Variants in STAM2 observed in about 807,000 individuals in gnomAD.
STAM2 encodes the protein signal transducing adaptor molecule 2, also known as signal transducing adapter molecule 2.
Under a neutral mutation model 65.6 loss-of-function variants are expected in STAM2, and 51 were observed. The ratio of observed to expected loss-of-function variants is 0.78; its 90% CI spans 0.62 to 0.98. The LOEUF is 0.98. STAM2 is among the 50% of genes least tolerant of loss of function. The pLI is 0.00. For synonymous variants in STAM2, 198 were observed against 208.4 expected (o/e 0.95, Z 0.43); for missense variants, 584 against 617.8 (o/e 0.95, Z 0.58).
chr2:152,152,184 G>A (rs963556499), intron 1 of STAM2, among the ~76,000 whole-genome samples: 1 of 152,096 alleles, frequency 6.6e-6, no homozygotes, highest in Non-Finnish European at 1.5e-5. Flanking sequence ...CAAATGATCT[G>A]CCCACCTCGG....
At chr2:152,168,776 T>C (rs148519183) in intron 1 of STAM2, among the ~76,000 whole-genome samples, 107 of 152,326 alleles carry the variant, frequency 7.0e-4, no homozygotes, top group African/African-American at 2.5e-3. Flanking sequence ...TATAATCCAT[T>C]TGAAATGCCC....
At chr2:152,164,610 G>C (rs1292391560) in intron 1 of STAM2, among the ~76,000 whole-genome samples, 2 of 152,140 alleles carry the variant, frequency 1.3e-5, no homozygotes, top group Non-Finnish European at 2.9e-5. Context: ...CCAAACTGCT[G>C]GGATTAAAAG....
intron 1 of STAM2, among the ~76,000 whole-genome samples, chr2:152,152,872 A>G (rs934585678): frequency 3.9e-5 from 6 of 152,244 alleles, no homozygotes; most frequent in Non-Finnish European, 2.9e-5. Flanking sequence ...CAGGAGAATG[A>G]TAAACATCAA....
intron 1 of STAM2, among the ~76,000 whole-genome samples, chr2:152,156,345 A>C (rs1277864699): frequency 1.3e-5 from 2 of 152,224 alleles, no homozygotes; most frequent in African/African-American, 4.8e-5. Flanking sequence ...AAGGGAGCTA[A>C]ATAACATTTA....
intron 1 of STAM2, among the ~76,000 whole-genome samples, chr2:152,156,921 C>G (rs951960678): frequency 2.0e-5 from 3 of 152,050 alleles, no homozygotes; most frequent in African/African-American, 7.2e-5. Flanking sequence ...GACTTGCGAT[C>G]CTACCAAAAA....
chr2:152,157,166 T>C (rs951997147), intron 1 of STAM2, among the ~76,000 whole-genome samples: 12 of 151,912 alleles, frequency 7.9e-5, no homozygotes, highest in Non-Finnish European at 1.2e-4. Flanking sequence ...GGCGACCAGG[T>C]TTCTAAGCAC....
Position 152,148,119 on chromosome 2 carries a change from G to T in STAM2, c.205C>A (p.Leu69Ile), listed in dbSNP as rs148272022. The T allele has an allele frequency of 5.7e-5, 92 of 1,604,420 alleles. No individual in the cohort carries two copies. The African/African-American group carries it at 1.1e-3, about 19-fold the overall frequency. Reference protein sequence around the residue: ...PHVALQALTLLGACVANCGKI... With the variant: ...PHVALQALTLIGACVANCGKI... ...CCACAGTTTGCCACACAAGCCCCAAGAAGCTATTAATTGAAATAAAAATAT... is the reference window on the plus strand; with the variant it reads ...CCACAGTTTGCCACACAAGCCCCAATAAGCTATTAATTGAAATAAAAATAT... The change falls in exon 4 of 14, where the codon CTT becomes ATT. Residue 69 changes from leucine to isoleucine, a missense_variant. By Grantham distance (5) the Leu-to-Ile change is conservative. Coordinates refer to ENST00000263904, the MANE Select transcript of STAM2 (RefSeq NM_005843.6).
At chr2:152,151,431 C>G (rs1432613833) in intron 1 of STAM2, among the ~76,000 whole-genome samples, 3 of 152,134 alleles carry the variant, frequency 2.0e-5, no homozygotes, top group Non-Finnish European at 4.4e-5. Context: ...CCGCCCACCT[C>G]AGCCTCCCAA....
chr2:152,173,718 G>A (rs1034282259), intron 1 of STAM2, among the ~76,000 whole-genome samples: 5 of 152,090 alleles, frequency 3.3e-5, no homozygotes, highest in Admixed American at 6.5e-5. Context: ...TTAACGATTT[G>A]AAATGAAAAG....
intron 8 of STAM2, among the ~76,000 whole-genome samples, 198 bp downstream of exon 8, chr2:152,135,311 G>A (rs1689134751): frequency 6.6e-6 from 1 of 152,170 alleles, no homozygotes; most frequent in Non-Finnish European, 1.5e-5. Flanking sequence ...TGTAAAATAA[G>A]AGGAAATAAT....
rs1407123902 is a variant in STAM2, at chr2:152,121,107, T to A, written c.1350-305A>T. Among the ~76,000 whole-genome samples the A allele has an allele frequency of 6.6e-5, 10 of 151,858 alleles. No homozygotes were observed. In the South Asian group the frequency reaches 1.2e-3, roughly 19 times the overall value. On this transcript the variant is annotated intron_variant, in intron 13 of 13. Transcript: ENST00000263904. ...AGCCTCCTGAGTAGCTGGGACTATT[T>A]AAAAAAAATTTAAATTAGTCCCAAC...
At chr2:152,128,174 G>A (rs370604482) in intron 11 of STAM2, among the ~76,000 whole-genome samples, 2 of 152,266 alleles carry the variant, frequency 1.3e-5, no homozygotes, top group East Asian at 1.9e-4. Flanking sequence ...TTGGGAGGCC[G>A]AGGCAGGCAG....
chr2:152,169,536 G>C (rs1689860838), intron 1 of STAM2, among the ~76,000 whole-genome samples: 1 of 152,064 alleles, frequency 6.6e-6, no homozygotes, highest in Non-Finnish European at 1.5e-5. Flanking sequence ...TGTTTGGATT[G>C]CAGGTGTGAG....
At chr2:152,127,628 C>G (rs1419308060) in intron 11 of STAM2, among the ~76,000 whole-genome samples, 2 of 150,560 alleles carry the variant, frequency 1.3e-5, no homozygotes, top group Admixed American at 6.6e-5. Context: ...AAATAATTAT[C>G]CTTGAAAATC....
In STAM2 at chr2:152,147,143, G is replaced by C. The variant is rs748519911; in HGVS notation, c.447+19C>G. ...CAAAATATTATAGGGTCAACCATGG[G>C]TCTGAATAAATCTCTCACCTGAGAA... On this transcript the variant is annotated intron_variant, in intron 5 of 13. Coordinates refer to ENST00000263904, the MANE Select transcript of STAM2 (RefSeq NM_005843.6). 6.3e-7 allele frequency: 1 copy of C among 1,591,290 alleles called. No individual in the cohort carries two copies. The highest frequency in any genetic ancestry group is 8.5e-7 in the Non-Finnish European group (1 of 1,171,828).
rs1285803096 is a variant in STAM2 at position 152,127,053 on chromosome 2, G to C, written c.1026-674C>G. ...ATTTACATGAGGTGAGCACGAAAAG[G>C]CCAATGGGAAACTTCTAGGGGGTAC... is the stretch of plus-strand genomic sequence containing the variant. On this transcript the variant is annotated intron_variant, in intron 11 of 13. Transcript: ENST00000263904. 9.2e-5 allele frequency among the ~76,000 whole-genome samples: 14 copies of C among 152,158 alleles called. No homozygotes were observed. In the South Asian group the frequency reaches 2.7e-3, roughly 29 times the overall value.
intron 1 of STAM2, among the ~76,000 whole-genome samples, chr2:152,165,627 G>A (rs1315342430): frequency 3.3e-5 from 5 of 152,194 alleles, no homozygotes; most frequent in Middle Eastern, 6.8e-3. Context: ...ATAAAACAAC[G>A]AGGACCTGCC....
chr2:152,132,218 CCAATTT>C lies in STAM2; in HGVS notation c.971-56_971-51del, dbSNP rs1560212224. 7.8e-6 allele frequency: 11 copies of C among 1,409,964 alleles called. No homozygotes were observed. The South Asian group carries it at 1.3e-4, about 17-fold the overall frequency. 87.3% of individuals were successfully genotyped at this position (1,409,964 alleles called of 1,614,324 possible). ...ATATAGAAACTTAATCCAGTTTAAG[CCAATTT>C]CAACAATTTTTAACAATATAGCACC... On this transcript the variant is annotated intron_variant, in intron 10 of 13. Coordinates refer to ENST00000263904, the MANE Select transcript of STAM2 (RefSeq NM_005843.6).
In STAM2 at chr2:152,135,547, T is replaced by C. The variant is rs764829927; in HGVS notation, c.761A>G (p.Asn254Ser). 1.2e-6 allele frequency: 2 copies of C among 1,612,822 alleles called. No homozygotes were observed. The highest frequency in any genetic ancestry group is 1.7e-6 in the Non-Finnish European group (2 of 1,179,516). Residue 254 changes from asparagine to serine, a missense_variant, in exon 8 of 14, where the codon AAT becomes AGT. Coordinates refer to ENST00000263904, the MANE Select transcript of STAM2 (RefSeq NM_005843.6). The part of the protein sequence containing the change: ...NHRGIGLFPS[N>S]FVTTNLNIET... ...TATGTTTAAATTAGTTGTTACAAAATTGGATGGGAAAAGTCCTATTCCTCT... is the reference window on the plus strand; with the variant it reads ...TATGTTTAAATTAGTTGTTACAAAACTGGATGGGAAAAGTCCTATTCCTCT...
Sources: gnomAD v4.1 joint callset for allele counts (sites outside exome capture counted in the v4.1 genomes callset) on GRCh38, gnomAD v4.1.1 for gene constraint, MANE v1.5 for transcripts, NCBI Gene and HGNC (gene_info 2026-07-23, HGNC 2026-07-21) for gene names.